Variants in MUC7 observed in about 807,000 individuals in gnomAD.
MUC7 encodes mucin-7.
Under a neutral mutation model 2.5 loss-of-function variants are expected in MUC7, and 2 were observed. The observed-to-expected ratio is 0.81, with a 90% CI of 0.33 to 2.55. The LOEUF is 2.55. Ranked by LOEUF, MUC7 falls within the 30% of genes most tolerant of loss-of-function variation. The pLI is 0.11. For synonymous variants in MUC7, 133 were observed against 173.4 expected (o/e 0.77, Z 1.83); for missense variants, 408 against 455.6 (o/e 0.90, Z 0.95).
At chr4:70,477,809 G>A (rs1444776444) in intron 2 of MUC7, among the ~76,000 whole-genome samples, 5 of 152,032 alleles carry the variant, frequency 3.3e-5, no homozygotes, top group African/African-American at 7.3e-5. Flanking sequence ...TCAGAATAGG[G>A]CCTAACATAA....
chr4:70,447,131 G>A (rs1262533783), intron 1 of MUC7, among the ~76,000 whole-genome samples: 1 of 152,114 alleles, frequency 6.6e-6, no homozygotes, highest in East Asian at 1.9e-4. Flanking sequence ...CCATTTGAGA[G>A]GATGTACAGA....
At position 70,482,029 on chromosome 4, in the gene MUC7, A is replaced by T. The variant is rs570406312; in HGVS notation, c.*151A>T. On this transcript the variant is annotated 3_prime_UTR_variant, in exon 3 of 3. Transcript: ENST00000304887. ...TAATCTTTCAATCTAATTATTCACC[A>T]CCACAAGACCTATTAACAAGACAAA... 1.3e-4 allele frequency: 125 copies of T among 972,644 alleles called. No individual in the cohort carries two copies. Among genetic ancestry groups the T allele is most frequent in the Non-Finnish European group, 1.7e-4 (117 of 677,200 alleles). The allele number at this position is 972,644 out of a possible 1,614,324, so 60.3% of individuals were successfully genotyped here.
At chr4:70,452,987 C>T (rs1734316716) in intron 1 of MUC7, among the ~76,000 whole-genome samples, 1 of 152,160 alleles carries the variant, frequency 6.6e-6, no homozygotes, top group African/African-American at 2.4e-5. Flanking sequence ...AAGTGTTTTC[C>T]TTCAGCACTT....
intron 1 of MUC7, among the ~76,000 whole-genome samples, chr4:70,436,212 G>A (rs1052115877): frequency 1.3e-5 from 2 of 152,052 alleles, no homozygotes; most frequent in Non-Finnish European, 2.9e-5. Flanking sequence ...GTATCTTTCT[G>A]GTGTTCTCTG....
chr4:70,482,006 A>G lies in MUC7; in HGVS notation c.*128A>G. 2 of 1,135,584 alleles carry G rather than the reference A, an allele frequency of 1.8e-6. No individual in the cohort carries two copies. The highest frequency in any genetic ancestry group is 2.4e-6 in the Non-Finnish European group (2 of 818,362). The allele number at this position is 1,135,584 out of a possible 1,614,324, so 70.3% of individuals were successfully genotyped here. A position where few individuals can be genotyped will look rare whatever the true frequency, so the allele number is the denominator to read the frequency against. On this transcript the variant is annotated 3_prime_UTR_variant, in exon 3 of 3. Transcript: ENST00000304887. ...ACTCAGATTTAAAGCACTATCATTA[A>G]TCTTTCAATCTAATTATTCACCACC...
chr4:70,475,530 A>C (rs956437616), intron 2 of MUC7, among the ~76,000 whole-genome samples: 1 of 152,156 alleles, frequency 6.6e-6, no homozygotes, highest in Non-Finnish European at 1.5e-5. Context: ...AGGACCCACA[A>C]GAGGGGACAG....
At chr4:70,446,689 A>G (rs1446393061) in intron 1 of MUC7, among the ~76,000 whole-genome samples, 3 of 152,206 alleles carry the variant, frequency 2.0e-5, no homozygotes, top group Admixed American at 2.0e-4. Flanking sequence ...TTTGGTGGAC[A>G]CAATTCAATC....
At chr4:70,437,892 C>A (rs895746202) in intron 1 of MUC7, among the ~76,000 whole-genome samples, 3 of 152,130 alleles carry the variant, frequency 2.0e-5, no homozygotes, top group Non-Finnish European at 4.4e-5. Context: ...AAAATCTATT[C>A]TTTACCCTCA....
chr4:70,458,999 T>C (rs913179962), intron 1 of MUC7, among the ~76,000 whole-genome samples: 7 of 152,138 alleles, frequency 4.6e-5, no homozygotes, highest in African/African-American at 1.7e-4. Context: ...GTCATAAAAC[T>C]ATATGTACTT....
intron 2 of MUC7, among the ~76,000 whole-genome samples, chr4:70,475,038 G>A (rs538037222): frequency 3.4e-4 from 52 of 152,244 alleles, no homozygotes; most frequent in Non-Finnish European, 6.2e-4. Flanking sequence ...CAGCACTTTC[G>A]GAGGCCAAGG....
chr4:70,451,879 A>G (rs1734288988), intron 1 of MUC7, among the ~76,000 whole-genome samples: 1 of 152,198 alleles, frequency 6.6e-6, no homozygotes, highest in South Asian at 2.1e-4. Context: ...TCCAGCTATT[A>G]TTGTATTGGA....
At chr4:70,473,497 T>G (rs1560557219) in intron 1 of MUC7, among the ~76,000 whole-genome samples, 1 of 151,142 alleles carries the variant, frequency 6.6e-6, no homozygotes, top group African/African-American at 2.4e-5. Flanking sequence ...AAATCTTCAG[T>G]AGAATGAAAT....
chr4:70,449,318 G>A (rs1387432376), intron 1 of MUC7, among the ~76,000 whole-genome samples: 1 of 152,142 alleles, frequency 6.6e-6, no homozygotes, highest in East Asian at 1.9e-4. Context: ...AATTGTGACG[G>A]AAAGCAAAAG....
At chr4:70,436,908 T>C (rs953735979) in intron 1 of MUC7, among the ~76,000 whole-genome samples, 1 of 152,314 alleles carries the variant, frequency 6.6e-6, no homozygotes, top group African/African-American at 2.4e-5. Context: ...TTGTTGATGT[T>C]GATGCTATTT....
Position 70,481,227 on chromosome 4 carries a change from T to C in MUC7, c.483T>C (p.Ala161=). ...VATLAPVNSP[A]PQDTTAAPPT... is the part of the protein sequence containing the mutation. ...CATTAGCACCAGTGAATTCCCCAGC[T>C]CCACAAGACACCACAGCTGCCCCAC... The change falls in exon 3 of 3, where the codon GCT becomes GCC. Residue 161 remains alanine, a synonymous_variant. Coordinates refer to ENST00000304887, the MANE Select transcript of MUC7 (RefSeq NM_152291.3). 3 of 1,614,088 alleles carry C rather than the reference T, an allele frequency of 1.9e-6. No individual in the cohort carries two copies. Among genetic ancestry groups the C allele is most frequent in the Non-Finnish European group, 2.5e-6 (3 of 1,180,016 alleles).
chr4:70,469,757 A>C (rs939874980), upstream of MUC7, among the ~76,000 whole-genome samples: 2 of 152,246 alleles, frequency 1.3e-5, no homozygotes, highest in Non-Finnish European at 2.9e-5. Flanking sequence ...GTCAGGAAAC[A>C]ACAGATGCTG....
At chr4:70,440,866 A>G (rs1733985313) in intron 1 of MUC7, among the ~76,000 whole-genome samples, 1 of 152,172 alleles carries the variant, frequency 6.6e-6, no homozygotes, top group Admixed American at 6.6e-5. Context: ...TAGGAAAAAG[A>G]CATGCTCCCT....
chr4:70,464,474 G>A (rs1359756709), intron 1 of MUC7, among the ~76,000 whole-genome samples: 1 of 152,100 alleles, frequency 6.6e-6, no homozygotes, highest in Non-Finnish European at 1.5e-5. Context: ...CCCCTACAGA[G>A]CCCAGCAAGC....
At chr4:70,446,425 T>A (rs1367165762) in intron 1 of MUC7, among the ~76,000 whole-genome samples, 1 of 152,190 alleles carries the variant, frequency 6.6e-6, no homozygotes, top group Non-Finnish European at 1.5e-5. Context: ...CCTTCCTTGC[T>A]TTTTCCAGTT....
Sources: gnomAD v4.1 joint callset for allele counts (sites outside exome capture counted in the v4.1 genomes callset) on GRCh38, gnomAD v4.1.1 for gene constraint, MANE v1.5 for transcripts, NCBI Gene and HGNC (gene_info 2026-07-23, HGNC 2026-07-21) for gene names.